Variants in FANK1 observed in about 807,000 individuals in gnomAD.
FANK1 encodes the protein fibronectin type III and ankyrin repeat domains 1.
Under a neutral mutation model 45.3 loss-of-function variants are expected in FANK1, and 44 were observed. The observed-to-expected ratio is 0.97, with a 90% CI of 0.76 to 1.25. The LOEUF (loss-of-function observed/expected upper bound fraction) is 1.25. Among genes scored for constraint, FANK1 ranks in the 50% most tolerant of loss-of-function variants. FANK1 has a pLI of 0.00. For synonymous variants in FANK1, 149 were observed against 152.5 expected (o/e 0.98, Z 0.17); for missense variants, 391 against 424.4 (o/e 0.92, Z 0.69).
Position 125,985,696 on chromosome 10 carries a change from C to T in FANK1, c.192-2855C>T, listed in dbSNP as rs534819139. Among the ~76,000 whole-genome samples the T allele has an allele frequency of 4.6e-5, 7 of 152,288 alleles. No homozygotes were observed. The South Asian group carries it at 1.5e-3, about 32-fold the overall frequency. ...CTTAGTGGTTGACAGCAGAAACAGG[C>T]ATGTGTTTGCTCATGATCTGTAATT... On this transcript the variant is annotated intron_variant, in intron 2 of 10. Transcript: ENST00000368693.
At chr10:125,945,736 G>A (rs1226593418) in intron 1 of FANK1, among the ~76,000 whole-genome samples, 1 of 152,196 alleles carries the variant, frequency 6.6e-6, no homozygotes, top group Non-Finnish European at 1.5e-5. Flanking sequence ...GCTCGAACTG[G>A]GTGGAGCCCA....
chr10:125,947,207 A>G (rs1301768511), intron 1 of FANK1, among the ~76,000 whole-genome samples: 1 of 152,110 alleles, frequency 6.6e-6, no homozygotes, highest in African/African-American at 2.4e-5. Context: ...TGCATCAACT[A>G]ACAAGCAAAA....
chr10:125,937,962 A>G (rs1050563462), intron 1 of FANK1, among the ~76,000 whole-genome samples: 12 of 152,190 alleles, frequency 7.9e-5, no homozygotes, highest in Non-Finnish European at 1.8e-4. Context: ...AAAAACTGAA[A>G]TATCATACAA....
chr10:125,955,272 C>A (rs965327758), intron 1 of FANK1, among the ~76,000 whole-genome samples: 6 of 152,010 alleles, frequency 3.9e-5, no homozygotes, highest in African/African-American at 1.4e-4. Context: ...ACCCACCTCC[C>A]CGACAGACCC....
chr10:125,943,972 T>A (rs1948613950), intron 1 of FANK1, among the ~76,000 whole-genome samples: 1 of 152,264 alleles, frequency 6.6e-6, no homozygotes, highest in Non-Finnish European at 1.5e-5. Flanking sequence ...AATCTTCACG[T>A]CTTCTAAAAG....
chr10:125,934,524 G>C (rs557941867), intron 1 of FANK1, among the ~76,000 whole-genome samples: 228 of 152,072 alleles, frequency 1.5e-3, no homozygotes, highest in Admixed American at 3.3e-3. Context: ...GGACTGAGCT[G>C]TGGGCAGAAT....
chr10:125,994,525 G>T, intron 3 of FANK1: 1 of 985,404 alleles, frequency 1.0e-6, no homozygotes, highest in Non-Finnish European at 1.2e-6. Flanking sequence ...GATGGTAGCT[G>T]CTGTACTGTC....
chr10:125,996,929 T>TAG (rs1952375632), intron 5 of FANK1, among the ~76,000 whole-genome samples: 1 of 152,112 alleles, frequency 6.6e-6, no homozygotes, highest in Admixed American at 6.5e-5. Flanking sequence ...TTTTAAGATG[T>TAG]AGAGAGAGGG....
chr10:125,990,207 T>C (rs1339682418), intron 3 of FANK1, among the ~76,000 whole-genome samples: 1 of 152,178 alleles, frequency 6.6e-6, no homozygotes, highest in African/African-American at 2.4e-5. Flanking sequence ...TCACCTACAT[T>C]GCGGGCTCCG....
chr10:125,976,623 A>AT (rs1950868247), intron 1 of FANK1, among the ~76,000 whole-genome samples: 1 of 127,658 alleles, frequency 7.8e-6, no homozygotes, highest in African/African-American at 2.9e-5. Flanking sequence ...TTGCATTGTA[A>AT]ATTTTTTTTT....
At chr10:125,900,386 C>G (rs1391266095) in intron 1 of FANK1, among the ~76,000 whole-genome samples, 1 of 147,372 alleles carries the variant, frequency 6.8e-6, no homozygotes, top group Non-Finnish European at 1.5e-5. Flanking sequence ...GAAAATAGTT[C>G]AATAGTACTA....
intron 6 of FANK1, among the ~76,000 whole-genome samples, chr10:126,000,475 G>A (rs1337913910): frequency 1.3e-5 from 2 of 152,128 alleles, no homozygotes; most frequent in African/African-American, 4.8e-5. Flanking sequence ...GATGATAGAA[G>A]TAACATAAAC....
rs1257684783 is a variant in FANK1 at position 125,988,535 on chromosome 10, G to A, written c.192-16G>A. ...GCTACCTGGTGTTATCAGCATGTTT[G>A]TCTCCTCCTGTCTAGGGGATATGCA... On this transcript the variant is annotated splice_polypyrimidine_tract_variant and intron_variant, in intron 2 of 10. Transcript: ENST00000368693. 3.1e-6 allele frequency: 5 copies of A among 1,612,380 alleles called. No homozygotes were observed. In the Admixed American group the frequency reaches 5.0e-5, roughly 16 times the overall value.
chr10:125,991,981 C>G (rs6597730), intron 3 of FANK1, among the ~76,000 whole-genome samples: 103,434 of 151,680 alleles, frequency 0.68, 35,601 homozygotes, highest in East Asian at 0.77. Flanking sequence ...ATCTGGCTCA[C>G]GTGAGCATGG....
At chr10:125,940,267 A>G (rs566618888) in intron 1 of FANK1, among the ~76,000 whole-genome samples, 1 of 152,268 alleles carries the variant, frequency 6.6e-6, no homozygotes, top group South Asian at 2.1e-4. Flanking sequence ...TTTATTGATT[A>G]CTGTTTTCAC....
intron 1 of FANK1, among the ~76,000 whole-genome samples, chr10:125,946,254 T>C (rs999622795): frequency 1.3e-5 from 2 of 151,832 alleles, no homozygotes; most frequent in African/African-American, 2.4e-5. Context: ...CAAAGCTGGA[T>C]GGAGAATGAC....
intron 3 of FANK1, chr10:125,995,092 T>A: frequency 3.1e-6 from 1 of 322,266 alleles, no homozygotes; most frequent in Non-Finnish European, 4.5e-6. Flanking sequence ...ATTGCTGAGG[T>A]TTTCCTTGCT....
At chr10:125,936,841 G>A (rs2134148568) in intron 1 of FANK1, among the ~76,000 whole-genome samples, 1 of 152,238 alleles carries the variant, frequency 6.6e-6, no homozygotes. Context: ...GCTGAGGTGG[G>A]TGGATCACCC....
intron 1 of FANK1, among the ~76,000 whole-genome samples, chr10:125,922,995 T>C (rs563506111): frequency 6.6e-6 from 1 of 152,058 alleles, no homozygotes; most frequent in African/African-American, 2.4e-5. Flanking sequence ...GTTTTTTTTG[T>C]TTGGTTGGTT....
Sources: allele counts gnomAD v4.1 joint callset (sites outside exome capture counted in the v4.1 genomes callset), GRCh38; gene constraint gnomAD v4.1.1; transcripts MANE v1.5; gene names NCBI Gene and HGNC (gene_info 2026-07-23, HGNC 2026-07-21).